Variants in NPAS3 observed in about 807,000 individuals in gnomAD.
The protein encoded by NPAS3 is neuronal PAS domain protein 3, also known as neuronal PAS domain-containing protein 3.
A neutral mutation model predicts 73.1 loss-of-function variants in NPAS3; 14 were observed. The ratio of observed to expected loss-of-function variants is 0.19; its 90% confidence interval spans 0.13 to 0.30. The LOEUF (loss-of-function observed/expected upper bound fraction) is 0.30, where lower values mean the gene tolerates loss of function less well. NPAS3 is among the 10% of genes least tolerant of loss of function. The pLI is 1.00. For synonymous variants in NPAS3, 620 were observed against 541.5 expected (o/e 1.14, Z -2.01); for missense variants, 1,096 against 1,250.0 (o/e 0.88, Z 1.86).
At chr14:33,462,706 A>G (rs2050328896) in intron 4 of NPAS3, among the ~76,000 whole-genome samples, 1 of 152,188 alleles carries the variant, frequency 6.6e-6, no homozygotes, top group Non-Finnish European at 1.5e-5. Flanking sequence ...GCACCCGGGA[A>G]GACTTCAGGA....
At chr14:33,561,646 C>T (rs10138742) in intron 5 of NPAS3, among the ~76,000 whole-genome samples, 68,952 of 152,024 alleles carry the variant, frequency 0.45, 17,115 homozygotes, top group African/African-American at 0.68. Flanking sequence ...ATTTTGAAAT[C>T]GGTGAGCCAC....
At chr14:33,371,661 T>A in intron 4 of NPAS3, among the ~76,000 whole-genome samples, 1 of 152,196 alleles carries the variant, frequency 6.6e-6, no homozygotes, top group South Asian at 2.1e-4. Context: ...CTAAAAATGT[T>A]CATATCTAAT....
intron 6 of NPAS3, among the ~76,000 whole-genome samples, chr14:33,689,102 C>T (rs541617937): frequency 9.2e-5 from 14 of 152,294 alleles, no homozygotes; most frequent in South Asian, 4.1e-4. Flanking sequence ...ATACGTAGTA[C>T]GTAGGGCCTT....
At chr14:33,144,042 A>G (rs1192106912) in intron 2 of NPAS3, among the ~76,000 whole-genome samples, 2 of 152,132 alleles carry the variant, frequency 1.3e-5, no homozygotes, top group African/African-American at 4.8e-5. Context: ...TATTTGTTTG[A>G]GTATCTGTTC....
At chr14:33,197,855 A>T (rs550413183) in intron 2 of NPAS3, among the ~76,000 whole-genome samples, 1 of 152,340 alleles carries the variant, frequency 6.6e-6, no homozygotes, top group Admixed American at 6.5e-5. Context: ...TCTTGGTCTC[A>T]CTGACTTCAA....
chr14:33,450,504 T>C (rs2049741859), intron 4 of NPAS3, among the ~76,000 whole-genome samples: 1 of 152,168 alleles, frequency 6.6e-6, no homozygotes. Context: ...AGATAGATCC[T>C]GAAAAAAACA....
At chr14:33,287,258 A>T (rs1222995194) in intron 3 of NPAS3, among the ~76,000 whole-genome samples, 1 of 152,174 alleles carries the variant, frequency 6.6e-6, no homozygotes, top group Non-Finnish European at 1.5e-5. Flanking sequence ...GTTGTTAAAC[A>T]TGAAGTTTTA....
chr14:33,394,195 T>C (rs1469592092), intron 4 of NPAS3, among the ~76,000 whole-genome samples: 1 of 152,202 alleles, frequency 6.6e-6, no homozygotes, highest in Non-Finnish European at 1.5e-5. Context: ...CTTTGTTCCC[T>C]CAGTGATGCT....
chr14:33,384,676 GC>G (rs2046701049), intron 4 of NPAS3, among the ~76,000 whole-genome samples: 1 of 152,144 alleles, frequency 6.6e-6, no homozygotes, highest in South Asian at 2.1e-4. Flanking sequence ...GTTGCAGTGG[GC>G]CGAGATCGCT....
intron 3 of NPAS3, among the ~76,000 whole-genome samples, chr14:33,291,617 T>A (rs10130879): frequency 0.23 from 34,254 of 152,116 alleles, 3,966 homozygotes; most frequent in African/African-American, 0.26. Flanking sequence ...GTGAAAGTCA[T>A]ACAGGATCCG....
intron 4 of NPAS3, among the ~76,000 whole-genome samples, chr14:33,477,098 A>G (rs548399348): frequency 8.1e-4 from 113 of 139,940 alleles, no homozygotes; most frequent in African/African-American, 2.5e-3. Context: ...CACACATGCA[A>G]TGATAAATTC....
intron 4 of NPAS3, among the ~76,000 whole-genome samples, chr14:33,472,042 G>A (rs1483232815): frequency 6.6e-6 from 1 of 152,172 alleles, no homozygotes; most frequent in Non-Finnish European, 1.5e-5. Flanking sequence ...CTGCCCTCAT[G>A]GAGCTTGTAT....
chr14:33,705,611 G>C (rs757259206), intron 6 of NPAS3, among the ~76,000 whole-genome samples: 18 of 152,144 alleles, frequency 1.2e-4, no homozygotes, highest in Non-Finnish European at 2.5e-4. Context: ...AAGCTATGTA[G>C]AAAAAAAGAA....
At chr14:33,690,398 T>G (rs1341767408) in intron 6 of NPAS3, among the ~76,000 whole-genome samples, 1 of 151,990 alleles carries the variant, frequency 6.6e-6, no homozygotes, top group Non-Finnish European at 1.5e-5. Context: ...AGAAACTCAT[T>G]TCACATAGGC....
chr14:33,450,125 A>G (rs1269286841), intron 4 of NPAS3, among the ~76,000 whole-genome samples: 1 of 152,224 alleles, frequency 6.6e-6, no homozygotes, highest in Non-Finnish European at 1.5e-5. Flanking sequence ...CATTGGATAT[A>G]CTTCTTACAG....
At chr14:33,302,768 A>G (rs1186602938) in intron 3 of NPAS3, among the ~76,000 whole-genome samples, 1 of 152,160 alleles carries the variant, frequency 6.6e-6, no homozygotes, top group Non-Finnish European at 1.5e-5. Flanking sequence ...GTTAGTTCAA[A>G]ATATCTGTGG....
intron 2 of NPAS3, among the ~76,000 whole-genome samples, chr14:33,193,759 G>A (rs1043782341): frequency 3.3e-5 from 5 of 152,134 alleles, no homozygotes; most frequent in Non-Finnish European, 7.4e-5. Context: ...CCATCTCTGT[G>A]TTACAGTAAG....
chr14:33,025,978 G>A (rs1467229755), intron 1 of NPAS3, among the ~76,000 whole-genome samples: 3 of 152,152 alleles, frequency 2.0e-5, no homozygotes, highest in Admixed American at 6.5e-5. Context: ...TATTGAAAAA[G>A]AGATATTTGT....
intron 3 of NPAS3, among the ~76,000 whole-genome samples, chr14:33,218,001 A>G (rs1483922360): frequency 6.6e-6 from 1 of 152,076 alleles, no homozygotes; most frequent in Non-Finnish European, 1.5e-5. Flanking sequence ...CTTCATTTTT[A>G]TTTTGTGGCC....
Sources: allele counts gnomAD v4.1 joint callset (sites outside exome capture counted in the v4.1 genomes callset), GRCh38; gene constraint gnomAD v4.1.1; transcripts MANE v1.5; gene names NCBI Gene and HGNC (gene_info 2026-07-23, HGNC 2026-07-21).